Variants in CBFA2T2 observed in about 807,000 individuals in gnomAD.
CBFA2T2 encodes the protein CBFA2/RUNX1 partner transcriptional co-repressor 2, also known as protein CBFA2T2.
CBFA2T2 carries 11 observed loss-of-function variants against 62.2 expected under a neutral mutation model. The observed-to-expected ratio is 0.18, with a 90% CI of 0.11 to 0.29. CBFA2T2 has a LOEUF of 0.29. CBFA2T2 is among the 10% of genes least tolerant of loss of function. The pLI, the probability that CBFA2T2 is intolerant of heterozygous loss-of-function variation, is 1.00. For synonymous variants in CBFA2T2, 295 were observed against 287.5 expected, an observed-to-expected ratio of 1.03 and a Z score of -0.27; for missense variants, 592 against 774.1, an observed-to-expected ratio of 0.76 and a Z score of 2.79.
intron 1 of CBFA2T2, among the ~76,000 whole-genome samples, chr20:33,547,916 GGCAGTT>G (rs1206203358): frequency 2.0e-5 from 3 of 151,472 alleles, no homozygotes; most frequent in African/African-American, 7.3e-5. Context: ...TGAGGGGTAA[GGCAGTT>G]ACACTTGTTT....
intron 1 of CBFA2T2, among the ~76,000 whole-genome samples, chr20:33,554,965 C>T (rs1208193585): frequency 6.6e-6 from 1 of 152,088 alleles, no homozygotes; most frequent in Non-Finnish European, 1.5e-5. Flanking sequence ...AAACTTTAGA[C>T]AGACATTTAG....
At chr20:33,595,142 C>T (rs1390324330) in intron 1 of CBFA2T2, among the ~76,000 whole-genome samples, 2 of 152,210 alleles carry the variant, frequency 1.3e-5, no homozygotes, top group Admixed American at 6.5e-5. Context: ...GGAAGAGACC[C>T]TCAGCACGTA....
At chr20:33,544,148 G>T (rs2012474863) in intron 1 of CBFA2T2, among the ~76,000 whole-genome samples, 1 of 152,106 alleles carries the variant, frequency 6.6e-6, no homozygotes, top group African/African-American at 2.4e-5. Flanking sequence ...CCATTTTACT[G>T]AAAGAGACCA....
At chr20:33,600,042 A>G (rs1014154409) in intron 1 of CBFA2T2, among the ~76,000 whole-genome samples, 1 of 152,222 alleles carries the variant, frequency 6.6e-6, no homozygotes, top group East Asian at 1.9e-4. Flanking sequence ...TGGCAGAGTT[A>G]CAAAGATGGT....
At chr20:33,537,328 AG>A (rs2012287714) in intron 1 of CBFA2T2, among the ~76,000 whole-genome samples, 2 of 152,392 alleles carry the variant, frequency 1.3e-5, no homozygotes, top group South Asian at 4.1e-4. Flanking sequence ...CCACCAAAAA[AG>A]TAAGAAAACC....
intron 1 of CBFA2T2, among the ~76,000 whole-genome samples, chr20:33,606,475 A>C (rs1229101928): frequency 1.3e-5 from 2 of 152,186 alleles, no homozygotes; most frequent in Non-Finnish European, 2.9e-5. Flanking sequence ...GGTATCAGCA[A>C]GGTTGATTCC....
intron 1 of CBFA2T2, among the ~76,000 whole-genome samples, chr20:33,520,227 G>C (rs188118578): frequency 7.0e-4 from 106 of 152,326 alleles, no homozygotes; most frequent in Admixed American, 1.3e-3. Flanking sequence ...TGTGATAAAA[G>C]TGATAAACGG....
chr20:33,600,940 C>T (rs933546716), intron 1 of CBFA2T2, among the ~76,000 whole-genome samples: 1 of 151,588 alleles, frequency 6.6e-6, no homozygotes, highest in African/African-American at 2.4e-5. Context: ...GGTACCTCCT[C>T]AAAGTGTATT....
At chr20:33,588,953 T>C (rs2014495988) in intron 1 of CBFA2T2, among the ~76,000 whole-genome samples, 1 of 150,622 alleles carries the variant, frequency 6.6e-6, no homozygotes, top group African/African-American at 2.4e-5. Context: ...AAAATAAAAA[T>C]AAAAATAAAA....
chr20:33,568,741 C>T (rs1283919748), intron 1 of CBFA2T2, among the ~76,000 whole-genome samples: 1 of 152,078 alleles, frequency 6.6e-6, no homozygotes, highest in Non-Finnish European at 1.5e-5. Flanking sequence ...TGTTATTGGC[C>T]CCAGCTGCCA....
intron 1 of CBFA2T2, among the ~76,000 whole-genome samples, chr20:33,507,736 C>G (rs1233493154): frequency 1.3e-5 from 2 of 152,170 alleles, no homozygotes; most frequent in African/African-American, 4.8e-5. Flanking sequence ...TGGACATTTA[C>G]CTTTCAATCC....
At chr20:33,603,644 T>C (rs2015227158) in intron 1 of CBFA2T2, among the ~76,000 whole-genome samples, 1 of 152,186 alleles carries the variant, frequency 6.6e-6, no homozygotes. Flanking sequence ...TGGGACTAAA[T>C]CTTTATGGCT....
intron 1 of CBFA2T2, among the ~76,000 whole-genome samples, chr20:33,594,914 C>G (rs1206721592): frequency 6.6e-6 from 1 of 152,182 alleles, no homozygotes; most frequent in Non-Finnish European, 1.5e-5. Context: ...AAATACTAAG[C>G]TGGTGGAGAC....
chr20:33,621,257 G>A (rs1411346642), intron 4 of CBFA2T2, among the ~76,000 whole-genome samples: 1 of 127,098 alleles, frequency 7.9e-6, no homozygotes, highest in Non-Finnish European at 1.7e-5. Context: ...TCTTTTATGA[G>A]TATCTCTATA....
At chr20:33,521,877 A>T (rs533729224) in intron 1 of CBFA2T2, among the ~76,000 whole-genome samples, 2 of 151,954 alleles carry the variant, frequency 1.3e-5, no homozygotes, top group African/African-American at 4.8e-5. Flanking sequence ...AAGATAATTT[A>T]AGGGTTTTTT....
At chr20:33,512,110 G>A (rs1029822261) in intron 1 of CBFA2T2, among the ~76,000 whole-genome samples, 3 of 151,722 alleles carry the variant, frequency 2.0e-5, no homozygotes, top group African/African-American at 7.3e-5. Flanking sequence ...CCGGGAGGGG[G>A]AGGTTGCAGT....
chr20:33,582,592 A>G (rs1453172865), intron 1 of CBFA2T2, among the ~76,000 whole-genome samples: 1 of 152,218 alleles, frequency 6.6e-6, no homozygotes, highest in African/African-American at 2.4e-5. Context: ...AGGCTGAGGC[A>G]GGAAGATCAC....
intron 1 of CBFA2T2, among the ~76,000 whole-genome samples, chr20:33,584,242 C>CGCCCGGCCT: frequency 6.6e-6 from 1 of 151,224 alleles, no homozygotes; most frequent in African/African-American, 2.4e-5. Context: ...AGCCACCATG[C>CGCCCGGCCT]TGGCCAGATT....
chr20:33,543,660 A>G (rs1311976334), intron 1 of CBFA2T2, among the ~76,000 whole-genome samples: 1 of 152,120 alleles, frequency 6.6e-6, no homozygotes, highest in Non-Finnish European at 1.5e-5. Context: ...TTACAATTGG[A>G]AAAAACGGAA....
Sources: allele counts gnomAD v4.1 joint callset (sites outside exome capture counted in the v4.1 genomes callset), GRCh38; gene constraint gnomAD v4.1.1; transcripts MANE v1.5; gene names NCBI Gene and HGNC (gene_info 2026-07-23, HGNC 2026-07-21).